HERC4: variants seen among roughly 807,000 people sequenced by gnomAD.
HERC4 encodes the protein HECT and RLD domain containing E3 ubiquitin protein ligase 4.
Under a neutral mutation model 124.3 loss-of-function variants are expected in HERC4, and 28 were observed. The observed-to-expected ratio is 0.23, with a 90% confidence interval of 0.17 to 0.31. HERC4 has a LOEUF of 0.31. Among genes scored for constraint, HERC4 ranks in the 10% least tolerant of loss-of-function variants. The pLI is 1.00. For missense variants in HERC4, 713 were observed against 1,229.3 expected, an observed-to-expected ratio of 0.58 and a Z score of 6.28; for synonymous variants, 407 against 421.5, an observed-to-expected ratio of 0.97 and a Z score of 0.42.
At chr10:68,067,914 A>G (rs957518674) in intron 3 of HERC4, 1 of 152,234 alleles carries the variant, frequency 6.6e-6, no homozygotes, top group Non-Finnish European at 1.5e-5. Context: ...TTTTGTTGGT[A>G]CAATATTACA....
At chr10:68,039,833 C>T in intron 4 of HERC4, 2 of 1,014,434 alleles carry the variant, frequency 2.0e-6, no homozygotes, top group East Asian at 8.7e-5. Flanking sequence ...ACCTGTTCAG[C>T]ATATTAAGTA....
At chr10:68,020,705 C>T (rs2038568156) in intron 8 of HERC4, among the ~76,000 whole-genome samples, 1 of 149,244 alleles carries the variant, frequency 6.7e-6, no homozygotes, top group African/African-American at 2.5e-5. Context: ...GGAGGCGGAG[C>T]TTGCAATGAG....
At chr10:68,020,737 C>A (rs2038571327) in intron 8 of HERC4, among the ~76,000 whole-genome samples, 1 of 150,056 alleles carries the variant, frequency 6.7e-6, no homozygotes, top group African/African-American at 2.5e-5. Context: ...CCACTGCACT[C>A]CAGCCTGGGC....
At chr10:68,009,081 A>T (rs2037769321) in intron 9 of HERC4, among the ~76,000 whole-genome samples, 1 of 152,084 alleles carries the variant, frequency 6.6e-6, no homozygotes, top group African/African-American at 2.4e-5. Context: ...AAAATTAGCC[A>T]GGTGTGGTGG....
chr10:68,028,399 C>G (rs1221090863), intron 7 of HERC4, among the ~76,000 whole-genome samples: 2 of 152,066 alleles, frequency 1.3e-5, no homozygotes, highest in Non-Finnish European at 2.9e-5. Flanking sequence ...GTCATTATTT[C>G]TTCTCGATAT....
intron 3 of HERC4, among the ~76,000 whole-genome samples, chr10:68,054,643 C>T (rs1414750954): frequency 6.6e-6 from 1 of 152,058 alleles, no homozygotes; most frequent in African/African-American, 2.4e-5. Flanking sequence ...ATATCTGTCC[C>T]ATTTTATGAT....
chr10:67,991,544 G>C (rs1564519073), intron 11 of HERC4, among the ~76,000 whole-genome samples: 1 of 152,080 alleles, frequency 6.6e-6, no homozygotes, highest in Non-Finnish European at 1.5e-5. Context: ...TTGGCAGTGA[G>C]CCTAATCTGG....
intron 8 of HERC4, among the ~76,000 whole-genome samples, chr10:68,022,757 G>T (rs946269363): frequency 6.6e-6 from 1 of 151,666 alleles, no homozygotes; most frequent in Non-Finnish European, 1.5e-5. Flanking sequence ...ACAACCCACA[G>T]AATGAAAGAA....
rs1200197304 is a variant in HERC4, at chr10:68,059,657, CATATTATATATT to C, written c.226+13214_226+13225del. On this transcript the variant is annotated intron_variant, in intron 3 of 24. Transcript: ENST00000373700. Reference sequence around the variant, plus strand: ...TAATATTATATATTATATTATATATCATATTATATATTATATTATATATCATAATATTATATA... The same window carrying C: ...TAATATTATATATTATATTATATATCATATTATATATCATAATATTATATA... 1.1e-4 allele frequency among the ~76,000 whole-genome samples: 4 copies of C among 36,872 alleles called. 1 individual carries two copies. Among genetic ancestry groups the C allele is most frequent in the African/African-American group, 7.3e-4 (3 of 4,092 alleles). The allele number at this position is 36,872 out of a possible 152,430, so 24.2% of individuals were successfully genotyped here.
At chr10:68,064,382 C>T (rs574347928) in intron 3 of HERC4, among the ~76,000 whole-genome samples, 2 of 151,452 alleles carry the variant, frequency 1.3e-5, no homozygotes, top group East Asian at 2.0e-4. Flanking sequence ...GGTGAAACCC[C>T]ATCTCTACTA....
intron 9 of HERC4, among the ~76,000 whole-genome samples, chr10:68,006,961 T>G (rs564228721): frequency 1.3e-5 from 2 of 152,308 alleles, no homozygotes; most frequent in South Asian, 4.1e-4. Context: ...TAGTCTTATT[T>G]GGGTTAAATC....
chr10:67,988,656 G>A lies in HERC4; in HGVS notation c.1806+7C>T. On this transcript the variant is annotated splice_region_variant and intron_variant, in intron 15 of 24. Transcript: ENST00000373700. ...AAAGAGGAAAATAAAGGAATGATTGGACATACCCTATGTAGTATTTCTAAA... is the reference window on the plus strand; with the variant it reads ...AAAGAGGAAAATAAAGGAATGATTGAACATACCCTATGTAGTATTTCTAAA... The A allele has an allele frequency of 6.6e-7, 1 of 1,505,566 alleles. No homozygotes were observed. Among genetic ancestry groups the A allele is most frequent in the Non-Finnish European group, 9.0e-7 (1 of 1,109,196 alleles). The allele number at this position is 1,505,566 out of a possible 1,614,324, so 93.3% of individuals were successfully genotyped here.
intron 8 of HERC4, among the ~76,000 whole-genome samples, chr10:68,023,127 A>G (rs146891980): frequency 6.6e-6 from 1 of 152,320 alleles, no homozygotes; most frequent in Non-Finnish European, 1.5e-5. Context: ...GAGAAACAGT[A>G]TGGCAGTTCC....
At chr10:67,932,484 C>T in intron 23 of HERC4, 113 bp downstream of exon 23, 1 of 842,178 alleles carries the variant, frequency 1.2e-6, no homozygotes, top group Non-Finnish European at 1.8e-6. Flanking sequence ...AGAGTGCTTT[C>T]CTGTAAAATG....
chr10:68,009,500 T>TA (rs2037802384), intron 9 of HERC4, among the ~76,000 whole-genome samples: 2 of 152,154 alleles, frequency 1.3e-5, no homozygotes, highest in African/African-American at 2.4e-5. Flanking sequence ...ACTTTATTGC[T>TA]AAAAAATGCT....
Position 68,012,505 on chromosome 10 carries a change from G to A in HERC4, c.1069+1521C>T, listed in dbSNP as rs149734271. Among the ~76,000 whole-genome samples the A allele has an allele frequency of 2.6e-4, 39 of 152,310 alleles. 1 individual carries two copies. The highest frequency in any genetic ancestry group is 7.9e-4 in the African/African-American group (33 of 41,582). On this transcript the variant is annotated intron_variant, in intron 9 of 24. Coordinates refer to ENST00000373700, the MANE Select transcript of HERC4 (RefSeq NM_015601.4). Reference sequence around the variant, plus strand: ...TGTGCCTCAAGGAATAGGAAGGCCCGAGGAGAGGAGAGAGATAGGACTGGC... The same window carrying A: ...TGTGCCTCAAGGAATAGGAAGGCCCAAGGAGAGGAGAGAGATAGGACTGGC...
intron 5 of HERC4, 62 bp downstream of exon 5, chr10:68,038,023 ACTATATGC>A: frequency 1.2e-6 from 1 of 820,630 alleles, no homozygotes. Context: ...AAGCTGGAGA[ACTATATGC>A]ACAATCAAAA....
intron 9 of HERC4, among the ~76,000 whole-genome samples, chr10:68,007,456 T>C (rs1459559739): frequency 1.3e-5 from 2 of 152,206 alleles, no homozygotes; most frequent in Non-Finnish European, 2.9e-5. Context: ...GTTTGGTCAC[T>C]AGTGCCTTAT....
intron 3 of HERC4, among the ~76,000 whole-genome samples, chr10:68,059,841 A>ATT (rs1564609819): frequency 0.038 from 1,262 of 32,984 alleles, 367 homozygotes; most frequent in African/African-American, 0.29. Context: ...TATATATTAT[A>ATT]ATATATTATA....
Sources: gnomAD v4.1 joint callset for allele counts (sites outside exome capture counted in the v4.1 genomes callset) on GRCh38, gnomAD v4.1.1 for gene constraint, MANE v1.5 for transcripts, NCBI Gene and HGNC (gene_info 2026-07-23, HGNC 2026-07-21) for gene names.